The following UBE2L3 variants were observed in gnomAD, a reference collection of about 807,000 sequenced individuals.
The protein encoded by UBE2L3 is ubiquitin conjugating enzyme E2 L3.
Under a neutral mutation model 17.8 loss-of-function variants are expected in UBE2L3, and 1 was observed. The observed-to-expected ratio is 0.06, with a 90% CI of 0.02 to 0.27. The LOEUF (loss-of-function observed/expected upper bound fraction) is 0.27, where lower values mean the gene tolerates loss of function less well. Ranked by LOEUF, UBE2L3 falls within the 10% of genes least tolerant of loss-of-function variation. The probability of loss-of-function intolerance (pLI) is 1.00; values close to 1 mark genes in which losing one functional copy is unlikely to be tolerated. For synonymous variants in UBE2L3, 44 were observed against 68.5 expected (o/e 0.64, Z 1.76); for missense variants, 40 against 192.6 (o/e 0.21, Z 4.69).
At chr22:21,603,836 CA>C (rs903922965) in intron 2 of UBE2L3, among the ~76,000 whole-genome samples, 93 of 105,294 alleles carry the variant, frequency 8.8e-4, no homozygotes, top group Admixed American at 1.2e-3. Context: ...GACTCTGTCT[CA>C]AAAAAAAAAA....
chr22:21,574,983 G>A (rs1025545203), intron 1 of UBE2L3, among the ~76,000 whole-genome samples: 2 of 151,266 alleles, frequency 1.3e-5, no homozygotes, highest in East Asian at 1.9e-4. Context: ...TTGGCTTGGC[G>A]CAGTAGCTCA....
chr22:21,619,350 G>C (rs1047660525), intron 3 of UBE2L3, among the ~76,000 whole-genome samples: 9 of 152,236 alleles, frequency 5.9e-5, no homozygotes, highest in Admixed American at 5.2e-4. Context: ...CTTAGAGACT[G>C]AATTAGAGGC....
At chr22:21,579,204 A>T (rs1299977109) in intron 1 of UBE2L3, among the ~76,000 whole-genome samples, 1 of 151,808 alleles carries the variant, frequency 6.6e-6, no homozygotes, top group Non-Finnish European at 1.5e-5. Flanking sequence ...GTTGGCCAGG[A>T]TGGTCTCGAA....
upstream of UBE2L3, chr22:21,567,632 C>T (rs1253499920): frequency 2.6e-6 from 4 of 1,541,804 alleles, no homozygotes; most frequent in African/African-American, 4.1e-5. Context: ...AGGTGCTCCG[C>T]TCTGCTCCTG....
chr22:21,568,229 G>T (rs973434542), intron 1 of UBE2L3: 6 of 988,666 alleles, frequency 6.1e-6, no homozygotes, highest in African/African-American at 1.7e-5. Context: ...CGCTTGGCCC[G>T]GCCGCAGCTC....
Position 21,590,237 on chromosome 22 carries a change from G to A in UBE2L3, c.28-2624G>A, listed in dbSNP as rs557506071. Among the ~76,000 whole-genome samples, 36 of 151,094 alleles carry A rather than the reference G, an allele frequency of 2.4e-4. 1 individual carries two copies. Among genetic ancestry groups the A allele is most frequent in the South Asian group, 4.2e-4 (2 of 4,778 alleles). The stretch of plus-strand genomic sequence containing the variant: ...TTCGAGACAGAGTTTCGCTCTTTTC[G>A]CCCAAGCTGGAGTGCAGTGGTGCGA... On this transcript the variant is annotated intron_variant, in intron 1 of 3. Coordinates refer to ENST00000342192, the MANE Select transcript of UBE2L3 (RefSeq NM_003347.4).
At chr22:21,557,591 T>C (rs1451708440) in intron 1 of UBE2L3, among the ~76,000 whole-genome samples, 4 of 152,158 alleles carry the variant, frequency 2.6e-5, no homozygotes, top group African/African-American at 9.7e-5. Context: ...GGTGCAATCT[T>C]GGCTCACTGC....
At chr22:21,612,798 G>A (rs1296680555) in intron 3 of UBE2L3, among the ~76,000 whole-genome samples, 7 of 150,712 alleles carry the variant, frequency 4.6e-5, no homozygotes, top group Admixed American at 3.3e-4. Flanking sequence ...CACCACGCTC[G>A]GCTAATTTTT....
At chr22:21,618,252 C>A (rs1053427624) in intron 3 of UBE2L3, among the ~76,000 whole-genome samples, 8 of 151,646 alleles carry the variant, frequency 5.3e-5, no homozygotes, top group African/African-American at 1.9e-4. Flanking sequence ...CAAATGGCAT[C>A]TTTTGAGAAA....
At chr22:21,566,219 C>T (rs1282724424), upstream of UBE2L3, among the ~76,000 whole-genome samples, 1 of 151,932 alleles carries the variant, frequency 6.6e-6, no homozygotes, top group Non-Finnish European at 1.5e-5. Flanking sequence ...GTGATCCACC[C>T]CCCTCAGCCT....
upstream of UBE2L3, chr22:21,567,629 C>A: frequency 6.5e-7 from 1 of 1,539,246 alleles, no homozygotes; most frequent in Non-Finnish European, 8.8e-7. Context: ...AGTAGGTGCT[C>A]CGCTCTGCTC....
chr22:21,609,844 G>A (rs1316566016), intron 2 of UBE2L3, among the ~76,000 whole-genome samples: 2 of 152,072 alleles, frequency 1.3e-5, no homozygotes, highest in Non-Finnish European at 2.9e-5. Flanking sequence ...TGGCCAACAT[G>A]GTGAAACCGC....
intron 1 of UBE2L3, among the ~76,000 whole-genome samples, chr22:21,591,400 G>T (rs966133173): frequency 6.6e-6 from 1 of 152,246 alleles, no homozygotes; most frequent in Admixed American, 6.5e-5. Context: ...GAGGGTGACA[G>T]GCAGGAGCAC....
At chr22:21,556,702 T>G in intron 1 of UBE2L3, among the ~76,000 whole-genome samples, 1 of 148,888 alleles carries the variant, frequency 6.7e-6, no homozygotes, top group Non-Finnish European at 1.5e-5. Flanking sequence ...CCTCGAGCAA[T>G]CCACCTGCCT....
chr22:21,609,709 A>G (rs1929373437), intron 2 of UBE2L3, among the ~76,000 whole-genome samples: 1 of 151,986 alleles, frequency 6.6e-6, no homozygotes, highest in South Asian at 2.1e-4. Flanking sequence ...TCAAAAATAA[A>G]TAAGTAAGTA....
At chr22:21,597,856 C>T (rs1940132312) in intron 2 of UBE2L3, among the ~76,000 whole-genome samples, 1 of 114,208 alleles carries the variant, frequency 8.8e-6, no homozygotes, top group Non-Finnish European at 1.6e-5. Context: ...GTGGCATGAT[C>T]ATGGCTCACC....
intron 1 of UBE2L3, among the ~76,000 whole-genome samples, chr22:21,556,955 G>A (rs1926252114): frequency 6.6e-6 from 1 of 152,242 alleles, no homozygotes; most frequent in Admixed American, 6.5e-5. Flanking sequence ...TCGGGAGGCT[G>A]AGGCAGGAGA....
At chr22:21,562,217 C>T (rs143550754) in intron 1 of UBE2L3, among the ~76,000 whole-genome samples, 9,613 of 142,382 alleles carry the variant, frequency 0.068, 1,000 homozygotes, top group African/African-American at 0.24. Context: ...TTTTTTGAGA[C>T]GGAGTCTCGC....
chr22:21,595,713 A>G (rs1928481000), intron 2 of UBE2L3, among the ~76,000 whole-genome samples: 1 of 152,232 alleles, frequency 6.6e-6, no homozygotes, highest in South Asian at 2.1e-4. Context: ...GGAAGAAAAT[A>G]TTACCCATAA....
Sources: allele counts gnomAD v4.1 joint callset (sites outside exome capture counted in the v4.1 genomes callset), GRCh38; gene constraint gnomAD v4.1.1; transcripts MANE v1.5; gene names NCBI Gene and HGNC (gene_info 2026-07-23, HGNC 2026-07-21).